Variants in TENM4 observed in about 807,000 individuals in gnomAD.
TENM4 encodes teneurin transmembrane protein 4, also known as teneurin-4.
A neutral mutation model predicts 243.3 loss-of-function variants in TENM4; 82 were observed. That is an observed-to-expected ratio of 0.34 (90% CI 0.28 to 0.40). The LOEUF (loss-of-function observed/expected upper bound fraction) is 0.40. TENM4 is among the 10% of genes least tolerant of loss of function. The pLI is 1.00. For missense variants in TENM4, 3,138 were observed against 3,673.3 expected (o/e 0.85, Z 3.77); for synonymous variants, 1,412 against 1,456.3 (o/e 0.97, Z 0.69).
rs559035376 is a variant in TENM4 at position 79,412,219 on chromosome 11, G to A, written c.-321+28290C>T. 7.2e-5 allele frequency among the ~76,000 whole-genome samples: 11 copies of A among 152,326 alleles called. No individual in the cohort carries two copies. In the South Asian group the frequency reaches 2.3e-3, roughly 32 times the overall value. On this transcript the variant is annotated intron_variant, in intron 1 of 33. Coordinates refer to ENST00000278550, the MANE Select transcript of TENM4 (RefSeq NM_001098816.3). Reference sequence around the variant, plus strand: ...CCAAGAGCATTCTCAAGAAGCATCCGCATCACTGAAAGCCTGCCACGTAAG... The same window carrying A: ...CCAAGAGCATTCTCAAGAAGCATCCACATCACTGAAAGCCTGCCACGTAAG...
intron 2 of TENM4, among the ~76,000 whole-genome samples, chr11:79,230,850 T>A (rs1864359734): frequency 1.3e-5 from 2 of 152,178 alleles, no homozygotes; most frequent in African/African-American, 4.8e-5. Flanking sequence ...ATCAAGTGTG[T>A]AATACACACA....
intron 4 of TENM4, among the ~76,000 whole-genome samples, chr11:79,131,361 T>C (rs571905759): frequency 6.6e-6 from 1 of 152,334 alleles, no homozygotes; most frequent in Non-Finnish European, 1.5e-5. Flanking sequence ...CAGAAGGGAC[T>C]GGGGCTCTAT....
At chr11:79,026,331 C>T (rs540168286) in intron 6 of TENM4, among the ~76,000 whole-genome samples, 3 of 152,118 alleles carry the variant, frequency 2.0e-5, no homozygotes, top group East Asian at 3.9e-4. Flanking sequence ...CAAAAGCAAA[C>T]GTGTGCAGAT....
intron 12 of TENM4, among the ~76,000 whole-genome samples, chr11:78,850,669 G>A (rs527809562): frequency 1.3e-5 from 2 of 152,336 alleles, no homozygotes; most frequent in Non-Finnish European, 2.9e-5. Flanking sequence ...ACACAGACAG[G>A]TCAGAAAGGC....
At chr11:78,924,062 C>T (rs140691403) in intron 6 of TENM4, among the ~76,000 whole-genome samples, 2,001 of 152,206 alleles carry the variant, frequency 0.013, 57 homozygotes, top group African/African-American at 0.046. Context: ...ACCATATTGG[C>T]CAGGCTTGTC....
chr11:78,866,968 G>C (rs1473680724), intron 9 of TENM4, among the ~76,000 whole-genome samples: 17 of 152,110 alleles, frequency 1.1e-4, no homozygotes, highest in Non-Finnish European at 1.5e-5. Flanking sequence ...TTTAATTTTT[G>C]TGGGCACATA....
chr11:79,409,087 T>C (rs1296469213), intron 1 of TENM4, among the ~76,000 whole-genome samples: 2 of 119,834 alleles, frequency 1.7e-5, no homozygotes, highest in East Asian at 4.8e-4. Flanking sequence ...TGTGTGTGTG[T>C]GTGTGTGTGT....
At chr11:79,194,375 T>C (rs1409832617) in intron 3 of TENM4, among the ~76,000 whole-genome samples, 1 of 151,830 alleles carries the variant, frequency 6.6e-6, no homozygotes, top group Non-Finnish European at 1.5e-5. Context: ...CAGGAAGAGA[T>C]TGGAACAGTT....
At chr11:79,175,189 A>G (rs1233722204) in intron 3 of TENM4, among the ~76,000 whole-genome samples, 1 of 152,258 alleles carries the variant, frequency 6.6e-6, no homozygotes, top group Non-Finnish European at 1.5e-5. Flanking sequence ...GCCAAAGTAT[A>G]GCAAAAACCT....
intron 6 of TENM4, among the ~76,000 whole-genome samples, chr11:78,989,668 T>C (rs1857993447): frequency 6.6e-6 from 1 of 152,208 alleles, no homozygotes; most frequent in Non-Finnish European, 1.5e-5. Context: ...TTTCCATTCC[T>C]TTCGTCCCAG....
intron 6 of TENM4, among the ~76,000 whole-genome samples, chr11:78,905,858 T>G (rs2136336259): frequency 6.6e-6 from 1 of 152,382 alleles, no homozygotes; most frequent in Middle Eastern, 3.4e-3. Flanking sequence ...GGTGAGAATG[T>G]GCAGGGTCAT....
At chr11:78,800,734 G>C (rs1352337420) in intron 15 of TENM4, among the ~76,000 whole-genome samples, 1 of 91,418 alleles carries the variant, frequency 1.1e-5, no homozygotes, top group African/African-American at 4.6e-5. Context: ...AGAGTTCACA[G>C]GGGAGAGAGA....
intron 12 of TENM4, among the ~76,000 whole-genome samples, chr11:78,846,704 T>A (rs1240577754): frequency 7.3e-6 from 1 of 136,194 alleles, no homozygotes; most frequent in African/African-American, 2.6e-5. Context: ...TACTAGCCCA[T>A]GAGAAACCTC....
chr11:79,343,344 C>T (rs1241486726), intron 1 of TENM4, among the ~76,000 whole-genome samples: 1 of 152,338 alleles, frequency 6.6e-6, no homozygotes, highest in East Asian at 1.9e-4. Flanking sequence ...GAAAGTGAAG[C>T]AGCTTGGCCT....
At chr11:78,799,969 G>A (rs1857248762) in intron 15 of TENM4, among the ~76,000 whole-genome samples, 1 of 152,112 alleles carries the variant, frequency 6.6e-6, no homozygotes, top group Admixed American at 6.5e-5. Context: ...AGGCTATGGG[G>A]GTAAGGGTGG....
intron 28 of TENM4, among the ~76,000 whole-genome samples, chr11:78,689,478 T>TC (rs34196903): frequency 0.067 from 10,250 of 151,958 alleles, 862 homozygotes; most frequent in African/African-American, 0.2. Flanking sequence ...TACTGGCTTT[T>TC]TTTTTTTAAA....
intron 4 of TENM4, among the ~76,000 whole-genome samples, chr11:79,146,058 TACA>T (rs1430136430): frequency 6.6e-6 from 1 of 152,130 alleles, no homozygotes; most frequent in African/African-American, 2.4e-5. Context: ...AGTGCAAATA[TACA>T]ACATCTTTAC....
chr11:79,349,739 G>A (rs1052638793), intron 1 of TENM4, among the ~76,000 whole-genome samples: 1 of 152,118 alleles, frequency 6.6e-6, no homozygotes, highest in African/African-American at 2.4e-5. Context: ...TGTTTTGAGT[G>A]GCCAGGAAAG....
intron 6 of TENM4, among the ~76,000 whole-genome samples, chr11:78,936,927 G>A (rs1246439417): frequency 6.6e-6 from 1 of 152,126 alleles, no homozygotes; most frequent in African/African-American, 2.4e-5. Flanking sequence ...AAAACTACAT[G>A]TATTTGTACT....
Sources: gnomAD v4.1 joint callset for allele counts (sites outside exome capture counted in the v4.1 genomes callset) on GRCh38, gnomAD v4.1.1 for gene constraint, MANE v1.5 for transcripts, NCBI Gene and HGNC (gene_info 2026-07-23, HGNC 2026-07-21) for gene names.